CTSB: variants seen among roughly 807,000 people sequenced by gnomAD.
CTSB encodes APP secretase.
CTSB carries 57 observed loss-of-function variants against 44.3 expected under a neutral mutation model. The observed-to-expected ratio is 1.29, with a 90% CI of 1.04 to 1.60. The LOEUF is 1.60. Ranked by LOEUF, CTSB falls within the 40% of genes most tolerant of loss-of-function variation. The pLI is 0.00. For missense variants in CTSB, 768 were observed against 443.0 expected (o/e 1.73, Z -6.59); for synonymous variants, 320 against 168.0 (o/e 1.91, Z -7.00).
Position 11,853,373 on chromosome 8 carries a change from C to T in CTSB, c.82G>A (p.Asp28Asn), listed in dbSNP as rs767824426. 1.9e-6 allele frequency: 3 copies of T among 1,613,112 alleles called. No individual in the cohort carries two copies. Among genetic ancestry groups the T allele is most frequent in the Middle Eastern group, 1.7e-4 (1 of 6,060 alleles). The change falls in exon 2 of 10, where the codon GAT becomes AAT. Residue 28 changes from aspartate (D) to asparagine (N), a missense_variant. Asp to Asn is a conservative substitution (Grantham distance 23). Transcript: ENST00000353047. ...RSRPSFHPLS[D>N]ELVNYVNKRN... The stretch of plus-strand genomic sequence containing the variant: ...TTGTTGACATAGTTGACCAGCTCAT[C>T]CGACAGGGGATGGAAAGAGGGCCTG...
At chr8:11,851,127 G>A (rs1157637843) in intron 3 of CTSB, 147 bp from the exon 4 acceptor site, 3 of 298,342 alleles carry the variant, frequency 1.0e-5, no homozygotes, top group Non-Finnish European at 2.0e-5. Context: ...GGTGTCCTTG[G>A]TAATTTCATA....
At position 11,845,746 on chromosome 8, in the gene CTSB, G is replaced by C; in HGVS notation, c.837C>G (p.Ala279=). The C allele has an allele frequency of 6.2e-7, 1 of 1,614,094 alleles. No individual in the cohort carries two copies. The highest frequency in any genetic ancestry group is 8.5e-7 in the Non-Finnish European group (1 of 1,179,966). The change falls in exon 9 of 10, where the codon GCC becomes GCG. Residue 279 remains alanine (A), a synonymous_variant. Coordinates refer to ENST00000353047, the MANE Select transcript of CTSB (RefSeq NM_001908.5). The part of the protein sequence containing the change: ...HVTGEMMGGH[A]IRILGWGVEN... ...CCACTCCCCAGCCCAGGATGCGGATGGCATGGCCACCCATCATCTCTCCGG... is the reference window on the plus strand; with the variant it reads ...CCACTCCCCAGCCCAGGATGCGGATCGCATGGCCACCCATCATCTCTCCGG...
chr8:11,861,796 T>C (rs556085157), intron 1 of CTSB, among the ~76,000 whole-genome samples: 289 of 152,288 alleles, frequency 1.9e-3, no homozygotes, highest in Non-Finnish European at 2.5e-3. Flanking sequence ...ATGAGATTAG[T>C]GTTCTGCTCA....
chr8:11,846,792 T>C (rs1361555897), intron 8 of CTSB, among the ~76,000 whole-genome samples: 1 of 151,704 alleles, frequency 6.6e-6, no homozygotes, highest in Non-Finnish European at 1.5e-5. Flanking sequence ...TGGACGCTAA[T>C]GGATGGGAAG....
At chr8:11,847,915 A>C (rs1373218263) in intron 6 of CTSB, 93 bp from the exon 7 acceptor site, 25 of 1,456,950 alleles carry the variant, frequency 1.7e-5, no homozygotes, top group Non-Finnish European at 2.2e-5. Flanking sequence ...CATGGACGCC[A>C]GGCAGGTCCT....
chr8:11,863,964 G>A (rs142753692), intron 1 of CTSB, among the ~76,000 whole-genome samples: 1 of 152,110 alleles, frequency 6.6e-6, no homozygotes, highest in African/African-American at 2.4e-5. Context: ...GGGAGACACA[G>A]GATATTTATT....
At chr8:11,856,760 A>G in intron 1 of CTSB, among the ~76,000 whole-genome samples, 1 of 151,402 alleles carries the variant, frequency 6.6e-6, no homozygotes, top group East Asian at 1.9e-4. Context: ...ATGTAGGAAC[A>G]CTCCTGCCAC....
chr8:11,849,993 C>T (rs1814251444), intron 4 of CTSB: 1 of 152,320 alleles, frequency 6.6e-6, no homozygotes, highest in Non-Finnish European at 1.5e-5. Flanking sequence ...TAGAGTGGGG[C>T]TTACCAGGGG....
At position 11,845,131 on chromosome 8, in the gene CTSB, C is replaced by G. The variant is rs751359116; in HGVS notation, c.1014G>C (p.Lys338Asn). The G allele has an allele frequency of 5.0e-6, 8 of 1,612,086 alleles. No homozygotes were observed. The highest frequency in any genetic ancestry group is 6.8e-6 in the Non-Finnish European group (8 of 1,178,208). The change falls in exon 10 of 10, where the codon AAG becomes AAC. Residue 338 changes from lysine to asparagine, a missense_variant. Coordinates refer to ENST00000353047, the MANE Select transcript of CTSB (RefSeq NM_001908.5). ...ACGACAGGCCCACGGCAGATTAGAT[C>G]TTTTCCCAGTACTGATCGGTGCGTG... ...GIPRTDQYWE[K>N]I is the part of the protein sequence containing the mutation.
chr8:11,846,684 A>G (rs982478517), intron 8 of CTSB, among the ~76,000 whole-genome samples: 1 of 152,184 alleles, frequency 6.6e-6, no homozygotes, highest in Non-Finnish European at 1.5e-5. Flanking sequence ...CCATTATAAC[A>G]GAAACATGCT....
chr8:11,850,832 T>G, intron 4 of CTSB, 34 bp downstream of exon 4: 1 of 1,519,194 alleles, frequency 6.6e-7, no homozygotes, highest in Non-Finnish European at 9.1e-7. Context: ...CCACTTTCTC[T>G]CCAGCGCTTC....
chr8:11,847,257 C>T (rs1025088152), intron 7 of CTSB, 89 bp from the exon 8 acceptor site: 27 of 841,440 alleles, frequency 3.2e-5, no homozygotes, highest in Non-Finnish European at 5.1e-5. Context: ...TTTCTGGTGG[C>T]CTCCAGGGGA....
intron 4 of CTSB, 82 bp from the exon 5 acceptor site, chr8:11,849,246 G>T (rs926510642): frequency 2.8e-6 from 3 of 1,072,442 alleles, no homozygotes; most frequent in Non-Finnish European, 4.2e-6. Flanking sequence ...GGCCACAGGG[G>T]CACCTCAGAC....
rs1812594042 is a variant in CTSB at position 11,843,271 on chromosome 8, A to AT, written c.*1853_*1854insA. The AT allele has an allele frequency of 2.0e-5, 3 of 152,150 alleles. No individual in the cohort carries two copies. Among genetic ancestry groups the AT allele is most frequent in the South Asian group, 2.1e-4 (1 of 4,828 alleles). The allele number at this position is 152,150 out of a possible 1,614,324, so 9.4% of individuals were successfully genotyped here. A position where few individuals can be genotyped will look rare whatever the true frequency, so the allele number is the denominator to read the frequency against. On this transcript the variant is annotated 3_prime_UTR_variant, in exon 10 of 10. Transcript: ENST00000353047. The stretch of plus-strand genomic sequence containing the variant: ...TGTTATGCTCATCATGGCACTTAAG[A>AT]GATGCTTAACAAACCTTTCCTACAA...
intron 1 of CTSB, among the ~76,000 whole-genome samples, chr8:11,856,169 G>A (rs1815473614): frequency 6.6e-6 from 1 of 152,050 alleles, no homozygotes; most frequent in African/African-American, 2.4e-5. Context: ...GAAACGGAAG[G>A]CATGATAATG....
intron 1 of CTSB, among the ~76,000 whole-genome samples, chr8:11,866,292 G>A (rs1817139285): frequency 6.6e-6 from 1 of 152,160 alleles, no homozygotes; most frequent in South Asian, 2.1e-4. Context: ...GAACCAAAGG[G>A]CCACCACCCC....
At chr8:11,860,636 A>G (rs1183480214) in intron 1 of CTSB, among the ~76,000 whole-genome samples, 1 of 152,148 alleles carries the variant, frequency 6.6e-6, no homozygotes, top group Non-Finnish European at 1.5e-5. Context: ...AAAAAACAAA[A>G]CAAAACAAAA....
rs749714527 is a variant in CTSB at position 11,854,490 on chromosome 8, CT to C, written c.-25-1012del. Among the ~76,000 whole-genome samples, 965 of 139,172 alleles carry C rather than the reference CT, an allele frequency of 6.9e-3. 3 individuals carry two copies. Among genetic ancestry groups the C allele is most frequent in the Middle Eastern group, 0.011 (3 of 272 alleles). 91.3% of individuals were successfully genotyped at this position (139,172 alleles called of 152,430 possible). A position where few individuals can be genotyped will look rare whatever the true frequency, so the allele number is the denominator to read the frequency against. On this transcript the variant is annotated intron_variant, in intron 1 of 9. Coordinates refer to ENST00000353047, the MANE Select transcript of CTSB (RefSeq NM_001908.5). Reference sequence around the variant, plus strand: ...ACAGCAAGATGGCTCTGGAAAAAAGCTTTTTTTTTTTTTTTGAGACAGGGTC... The same window carrying C: ...ACAGCAAGATGGCTCTGGAAAAAAGCTTTTTTTTTTTTTTGAGACAGGGTC...
At chr8:11,861,957 C>T (rs1461381861) in intron 1 of CTSB, among the ~76,000 whole-genome samples, 1 of 152,118 alleles carries the variant, frequency 6.6e-6, no homozygotes, top group Non-Finnish European at 1.5e-5. Context: ...CCTGTAATCC[C>T]AGTACTTTGG....
Sources: allele counts gnomAD v4.1 joint callset (sites outside exome capture counted in the v4.1 genomes callset), GRCh38; gene constraint gnomAD v4.1.1; transcripts MANE v1.5; gene names NCBI Gene and HGNC (gene_info 2026-07-23, HGNC 2026-07-21).